Variants in CPNE4 observed in about 807,000 individuals in gnomAD.
The protein encoded by CPNE4 is copine 4.
CPNE4 carries 25 observed loss-of-function variants against 67.9 expected under a neutral mutation model. The ratio of observed to expected loss-of-function variants is 0.37; its 90% CI spans 0.27 to 0.51. The LOEUF (loss-of-function observed/expected upper bound fraction) is 0.51, where lower values mean the gene tolerates loss of function less well. Among genes scored for constraint, CPNE4 ranks in the 20% least tolerant of loss-of-function variants. CPNE4 has a pLI of 0.93. For synonymous variants in CPNE4, 242 were observed against 244.9 expected, an observed-to-expected ratio of 0.99 and a Z score of 0.11; for missense variants, 464 against 690.8, an observed-to-expected ratio of 0.67 and a Z score of 3.68.
intron 3 of CPNE4, among the ~76,000 whole-genome samples, chr3:131,715,162 T>C (rs2081652263): frequency 6.6e-6 from 1 of 152,206 alleles, no homozygotes; most frequent in Non-Finnish European, 1.5e-5. Flanking sequence ...GCAATGCACC[T>C]TCTGGGTGCT....
At chr3:131,985,480 C>T (rs78290435) in intron 1 of CPNE4, among the ~76,000 whole-genome samples, 1 of 152,134 alleles carries the variant, frequency 6.6e-6, no homozygotes, top group South Asian at 2.1e-4. Context: ...ATTTTTAATA[C>T]CCATTTTAAA....
At chr3:131,974,322 C>T (rs1341539321) in intron 1 of CPNE4, among the ~76,000 whole-genome samples, 1 of 152,160 alleles carries the variant, frequency 6.6e-6, no homozygotes, top group Non-Finnish European at 1.5e-5. Flanking sequence ...ATGCCTGCAT[C>T]TATACACACA....
At chr3:131,954,501 TTTA>T (rs1414195542) in intron 1 of CPNE4, among the ~76,000 whole-genome samples, 1 of 152,168 alleles carries the variant, frequency 6.6e-6, no homozygotes, top group Non-Finnish European at 1.5e-5. Context: ...GAACTCTTTT[TTTA>T]TTATTATTAT....
intron 1 of CPNE4, among the ~76,000 whole-genome samples, chr3:131,954,491 G>T (rs1175368388): frequency 2.6e-5 from 4 of 151,116 alleles, no homozygotes; most frequent in Non-Finnish European, 4.4e-5. Context: ...ACTGGTAGAA[G>T]AACTCTTTTT....
chr3:132,018,388 C>T (rs2073929319), intron 1 of CPNE4, among the ~76,000 whole-genome samples: 1 of 152,174 alleles, frequency 6.6e-6, no homozygotes, highest in Non-Finnish European at 1.5e-5. Context: ...ATCCTGTACT[C>T]CTGAGGAGAA....
chr3:131,744,040 A>G (rs1335982949), intron 2 of CPNE4, among the ~76,000 whole-genome samples: 3 of 139,430 alleles, frequency 2.2e-5, no homozygotes, highest in Non-Finnish European at 4.8e-5. Flanking sequence ...CATTATTGTT[A>G]TCCTTTAATA....
chr3:131,778,284 C>T (rs1319277024), intron 2 of CPNE4, among the ~76,000 whole-genome samples: 3 of 152,078 alleles, frequency 2.0e-5, no homozygotes, highest in African/African-American at 7.2e-5. Context: ...CCATGGGTAC[C>T]ACTGCCCCTC....
chr3:132,005,048 C>A (rs553180637), intron 1 of CPNE4, among the ~76,000 whole-genome samples: 11 of 151,812 alleles, frequency 7.2e-5, no homozygotes, highest in African/African-American at 2.7e-4. Flanking sequence ...AAGATGTGAC[C>A]AGAACTGATG....
At chr3:131,829,225 G>C (rs1490684221) in intron 2 of CPNE4, among the ~76,000 whole-genome samples, 1 of 152,194 alleles carries the variant, frequency 6.6e-6, no homozygotes, top group Non-Finnish European at 1.5e-5. Context: ...GGAATACTGG[G>C]AGATACAATT....
Position 131,555,563 on chromosome 3 carries a change from A to G in CPNE4, c.1062-12T>C, listed in dbSNP as rs965318571. 1.2e-6 allele frequency: 2 copies of G among 1,611,372 alleles called. No homozygotes were observed. The highest frequency in any genetic ancestry group is 1.7e-5 in the Admixed American group (1 of 59,786). On this transcript the variant is annotated splice_polypyrimidine_tract_variant and intron_variant, in intron 11 of 15. Coordinates refer to ENST00000429747, the MANE Select transcript of CPNE4 (RefSeq NM_130808.3). ...GGAACATTTTGTCACTGAAACCAAA[A>G]TGAAGAAAAGAAAAAACAAGAAGTT...
chr3:131,712,620 G>A (rs901914362), intron 3 of CPNE4, among the ~76,000 whole-genome samples: 1 of 152,168 alleles, frequency 6.6e-6, no homozygotes, highest in Non-Finnish European at 1.5e-5. Flanking sequence ...TTGGTTTGGG[G>A]GTTAATATAT....
At chr3:131,682,688 G>T (rs1304727310) in intron 6 of CPNE4, among the ~76,000 whole-genome samples, 1 of 151,962 alleles carries the variant, frequency 6.6e-6, no homozygotes, top group Non-Finnish European at 1.5e-5. Flanking sequence ...TCAGGAGATG[G>T]CAAAGTCAGC....
At chr3:131,762,021 T>A (rs2082901951) in intron 2 of CPNE4, among the ~76,000 whole-genome samples, 1 of 152,102 alleles carries the variant, frequency 6.6e-6, no homozygotes, top group Non-Finnish European at 1.5e-5. Context: ...TTGGGAAATA[T>A]AAATAGTGAC....
At chr3:131,926,734 C>A (rs2070905882) in intron 1 of CPNE4, among the ~76,000 whole-genome samples, 1 of 152,158 alleles carries the variant, frequency 6.6e-6, no homozygotes, top group African/African-American at 2.4e-5. Flanking sequence ...CTTTTAAACT[C>A]AGTCTCCCAA....
intron 1 of CPNE4, among the ~76,000 whole-genome samples, chr3:131,989,537 C>T (rs139160974): frequency 0.012 from 1,776 of 152,220 alleles, 28 homozygotes; most frequent in African/African-American, 0.033. Context: ...CCTCATGGTG[C>T]TGTATTCTAC....
chr3:131,707,746 A>G (rs571169692), intron 3 of CPNE4, among the ~76,000 whole-genome samples: 2 of 152,238 alleles, frequency 1.3e-5, no homozygotes, highest in East Asian at 1.9e-4. Context: ...TTTATCCTCA[A>G]TGAACTTACC....
At chr3:132,006,066 A>G (rs2073595463) in intron 1 of CPNE4, among the ~76,000 whole-genome samples, 1 of 152,152 alleles carries the variant, frequency 6.6e-6, no homozygotes, top group South Asian at 2.1e-4. Context: ...ACACCATCTG[A>G]CAAAGAGTAA....
chr3:132,014,105 C>T (rs890012278), intron 1 of CPNE4, among the ~76,000 whole-genome samples: 2 of 152,182 alleles, frequency 1.3e-5, no homozygotes, highest in African/African-American at 2.4e-5. Context: ...TTCTTGAGGG[C>T]TCCTAAACAC....
intron 2 of CPNE4, among the ~76,000 whole-genome samples, chr3:131,868,529 T>C (rs1052613357): frequency 2.0e-5 from 3 of 152,172 alleles, no homozygotes; most frequent in African/African-American, 7.2e-5. Flanking sequence ...GTGAAAAAAA[T>C]AAATTTATGT....
Sources: allele counts gnomAD v4.1 joint callset (sites outside exome capture counted in the v4.1 genomes callset), GRCh38; gene constraint gnomAD v4.1.1; transcripts MANE v1.5; gene names NCBI Gene and HGNC (gene_info 2026-07-23, HGNC 2026-07-21).